The following MDGA2 variants were observed in gnomAD, a reference collection of about 807,000 sequenced individuals.
MDGA2 encodes MAM domain-containing glycosylphosphatidylinositol anchor protein 2.
Under a neutral mutation model 117.8 loss-of-function variants are expected in MDGA2, and 40 were observed. The observed-to-expected ratio is 0.34, with a 90% CI of 0.26 to 0.44. The LOEUF is 0.44. MDGA2 is among the 20% of genes least tolerant of loss of function. The probability of loss-of-function intolerance (pLI) is 1.00; values close to 1 mark genes in which losing one functional copy is unlikely to be tolerated. For synonymous variants in MDGA2, 452 were observed against 439.0 expected (o/e 1.03, Z -0.37); for missense variants, 1,123 against 1,250.6 (o/e 0.90, Z 1.54).
At chr14:47,361,319 T>C (rs1255700589) in intron 1 of MDGA2, among the ~76,000 whole-genome samples, 1 of 151,718 alleles carries the variant, frequency 6.6e-6, no homozygotes, top group Non-Finnish European at 1.5e-5. Flanking sequence ...AGGGTGACCA[T>C]CTGCAAGCGA....
rs1716728580 is a variant in MDGA2, at chr14:47,067,408, C to T, written c.1196-5830G>A. ...CATTCTTAATATTGTAGGCATTTCC[C>T]TTATGAGCATCACGAAATAATCAGC... On this transcript the variant is annotated intron_variant, in intron 6 of 16. Transcript: ENST00000399232. Among the ~76,000 whole-genome samples the T allele has an allele frequency of 2.6e-5, 4 of 152,020 alleles. No individual in the cohort carries two copies. The South Asian group carries it at 8.3e-4, about 32-fold the overall frequency.
At chr14:47,246,312 T>C (rs1887235579) in intron 2 of MDGA2, among the ~76,000 whole-genome samples, 1 of 151,806 alleles carries the variant, frequency 6.6e-6, no homozygotes, top group Non-Finnish European at 1.5e-5. Flanking sequence ...CTTCCCCCGA[T>C]CCTGATCTAG....
chr14:47,633,841 T>C (rs1340015221), intron 1 of MDGA2, among the ~76,000 whole-genome samples: 2 of 152,106 alleles, frequency 1.3e-5, no homozygotes, highest in East Asian at 3.9e-4. Context: ...ATACTTCCTG[T>C]AGGTTAGCTA....
At chr14:47,301,119 G>C (rs529806299) in intron 2 of MDGA2, among the ~76,000 whole-genome samples, 1 of 152,162 alleles carries the variant, frequency 6.6e-6, no homozygotes, top group Admixed American at 6.5e-5. Flanking sequence ...GTAGTTGTCT[G>C]TTTAACAGCT....
chr14:47,037,024 A>G (rs1320572711), intron 7 of MDGA2, among the ~76,000 whole-genome samples: 1 of 152,250 alleles, frequency 6.6e-6, no homozygotes, highest in Non-Finnish European at 1.5e-5. Flanking sequence ...GCTCCATTTT[A>G]TAAACCCAAA....
intron 8 of MDGA2, among the ~76,000 whole-genome samples, chr14:47,033,495 G>C (rs1266738332): frequency 1.3e-5 from 2 of 152,034 alleles, no homozygotes; most frequent in African/African-American, 4.8e-5. Flanking sequence ...GTCACTTAAG[G>C]GTATCTCATT....
intron 2 of MDGA2, among the ~76,000 whole-genome samples, chr14:47,243,145 C>G (rs1887117606): frequency 6.6e-6 from 1 of 151,586 alleles, no homozygotes; most frequent in Non-Finnish European, 1.5e-5. Flanking sequence ...CTGTGTTTAG[C>G]TCAGGGTTTG....
chr14:46,929,599 GTGTA>G (rs1421698077), intron 9 of MDGA2, among the ~76,000 whole-genome samples: 100 of 15,246 alleles, frequency 6.6e-3, no homozygotes, highest in Middle Eastern at 0.038. Flanking sequence ...GTGTGTGTGT[GTGTA>G]TATATATATA....
chr14:46,999,351 G>C (rs986249278), intron 8 of MDGA2, among the ~76,000 whole-genome samples: 1 of 151,944 alleles, frequency 6.6e-6, no homozygotes, highest in Admixed American at 6.6e-5. Flanking sequence ...AGTATTTGCA[G>C]ACACTATTGA....
In MDGA2 at chr14:47,057,010, T is replaced by G. The variant is rs551632836; in HGVS notation, c.1525+4239A>C. 8.5e-5 allele frequency among the ~76,000 whole-genome samples: 13 copies of G among 152,204 alleles called. No individual in the cohort carries two copies. In the East Asian group the frequency reaches 2.5e-3, roughly 29 times the overall value. On this transcript the variant is annotated intron_variant, in intron 7 of 16. Coordinates refer to ENST00000399232, the MANE Select transcript of MDGA2 (RefSeq NM_001113498.3). ...TTAACTTACCTGCAGTCTAGCCAGA[T>G]AAAATATAGCTTCAGTAATAAAAAA...
At chr14:47,413,652 T>G (rs770439357) in intron 1 of MDGA2, among the ~76,000 whole-genome samples, 1 of 146,378 alleles carries the variant, frequency 6.8e-6, no homozygotes, top group Admixed American at 6.9e-5. Flanking sequence ...CTATATTTAT[T>G]ATAAGTAATA....
intron 1 of MDGA2, among the ~76,000 whole-genome samples, chr14:47,420,262 T>A (rs1054912673): frequency 2.0e-4 from 31 of 152,118 alleles, no homozygotes; most frequent in Non-Finnish European, 4.3e-4. Flanking sequence ...TCAGAAATAA[T>A]TCTGGCATAG....
intron 4 of MDGA2, among the ~76,000 whole-genome samples, chr14:47,139,804 G>GGA (rs1566646671): frequency 7.0e-6 from 1 of 143,174 alleles, no homozygotes; most frequent in Non-Finnish European, 1.5e-5. Flanking sequence ...GTATATATAT[G>GGA]TATATATATA....
At chr14:47,560,977 A>G (rs1443922607) in intron 1 of MDGA2, among the ~76,000 whole-genome samples, 1 of 151,810 alleles carries the variant, frequency 6.6e-6, no homozygotes, top group Admixed American at 6.6e-5. Flanking sequence ...TGTTTTTGTC[A>G]ATTTTGTTGA....
chr14:46,890,261 G>A (rs1882830150), intron 10 of MDGA2, among the ~76,000 whole-genome samples: 1 of 151,956 alleles, frequency 6.6e-6, no homozygotes, highest in African/African-American at 2.4e-5. Flanking sequence ...GCAGGTGTAG[G>A]TTGGTCTTCC....
Position 47,240,424 on chromosome 14 carries a change from T to C in MDGA2, c.421-22229A>G, listed in dbSNP as rs1019144751. The stretch of plus-strand genomic sequence containing the variant: ...CGGGTTATAGGAGTGTGTTAAGTTA[T>C]GAACATTCAATAAAACAGCAATCAT... On this transcript the variant is annotated intron_variant, in intron 2 of 16. Coordinates refer to ENST00000399232, the MANE Select transcript of MDGA2 (RefSeq NM_001113498.3). Among the ~76,000 whole-genome samples, 4 of 151,870 alleles carry C rather than the reference T, an allele frequency of 2.6e-5. No individual in the cohort carries two copies. In the East Asian group the frequency reaches 5.8e-4, roughly 22 times the overall value.
At chr14:47,034,150 C>G (rs1479744976) in intron 8 of MDGA2, among the ~76,000 whole-genome samples, 3 of 152,136 alleles carry the variant, frequency 2.0e-5, no homozygotes, top group African/African-American at 7.2e-5. Context: ...GTTTAGTTTT[C>G]TTCTTTTTCA....
intron 1 of MDGA2, among the ~76,000 whole-genome samples, chr14:47,339,284 AT>A (rs1890550720): frequency 6.6e-6 from 1 of 152,188 alleles, no homozygotes; most frequent in East Asian, 1.9e-4. Context: ...ATTACAAATA[AT>A]ACAAAAAGAG....
chr14:47,381,568 C>T (rs1327829667), intron 1 of MDGA2, among the ~76,000 whole-genome samples: 1 of 152,084 alleles, frequency 6.6e-6, no homozygotes, highest in Non-Finnish European at 1.5e-5. Flanking sequence ...ACACCAATAA[C>T]AGACAAACAG....
Sources: allele counts gnomAD v4.1 joint callset (sites outside exome capture counted in the v4.1 genomes callset), GRCh38; gene constraint gnomAD v4.1.1; transcripts MANE v1.5; gene names NCBI Gene and HGNC (gene_info 2026-07-23, HGNC 2026-07-21).